CFAP299: variants seen among roughly 807,000 people sequenced by gnomAD.
CFAP299 encodes cilia and flagella associated protein 299.
In CFAP299, 21 loss-of-function variants were observed where a neutral mutation model predicts 27.0. The observed-to-expected ratio is 0.78, with a 90% CI of 0.55 to 1.12. The LOEUF (loss-of-function observed/expected upper bound fraction) is 1.12, where lower values mean the gene tolerates loss of function less well. Among genes scored for constraint, CFAP299 ranks in the 50% most tolerant of loss-of-function variants. The pLI, the probability that CFAP299 is intolerant of heterozygous loss-of-function variation, is 0.00. For synonymous variants in CFAP299, 104 were observed against 98.1 expected (o/e 1.06, Z -0.36); for missense variants, 310 against 276.6 (o/e 1.12, Z -0.86).
At chr4:80,625,951 A>G (rs953175028) in intron 3 of CFAP299, among the ~76,000 whole-genome samples, 2 of 151,954 alleles carry the variant, frequency 1.3e-5, no homozygotes, top group Admixed American at 1.3e-4. Context: ...GGAGTTAAAC[A>G]CCCCACTTCT....
At chr4:80,455,398 A>T (rs1217517256) in intron 2 of CFAP299, among the ~76,000 whole-genome samples, 1 of 152,216 alleles carries the variant, frequency 6.6e-6, no homozygotes, top group East Asian at 1.9e-4. Context: ...ACGGGCACAA[A>T]TGAAACAGAT....
intron 3 of CFAP299, among the ~76,000 whole-genome samples, chr4:80,654,273 A>T (rs773177070): frequency 6.6e-6 from 1 of 152,154 alleles, no homozygotes; most frequent in Non-Finnish European, 1.5e-5. Context: ...TGCCCTCAGG[A>T]TAAAGGCACC....
chr4:80,359,951 G>C (rs902994359), intron 1 of CFAP299, among the ~76,000 whole-genome samples: 1 of 152,144 alleles, frequency 6.6e-6, no homozygotes, highest in African/African-American at 2.4e-5. Flanking sequence ...ACCCTTGTGG[G>C]CTTATGTACT....
At position 80,664,682 on chromosome 4, in the gene CFAP299, C is replaced by T. The variant is rs753550021; in HGVS notation, c.333+81499C>T. On this transcript the variant is annotated intron_variant, in intron 3 of 5. Transcript: ENST00000358105. Reference sequence around the variant, plus strand: ...TTGCTGGGCTCCCTGGGGGTGGGATCGGCTGAACTAGACCACTTGGTTACC... The same window carrying T: ...TTGCTGGGCTCCCTGGGGGTGGGATTGGCTGAACTAGACCACTTGGTTACC... Among the ~76,000 whole-genome samples the T allele has an allele frequency of 9.2e-5, 14 of 152,156 alleles. No homozygotes were observed. In the East Asian group the frequency reaches 9.7e-4, roughly 11 times the overall value.
rs1004984721 is a variant in CFAP299 at position 80,783,712 on chromosome 4, A to G, written c.334-86281A>G. On this transcript the variant is annotated intron_variant, in intron 3 of 5. Coordinates refer to ENST00000358105, the MANE Select transcript of CFAP299 (RefSeq NM_152770.3). The stretch of plus-strand genomic sequence containing the variant: ...ACAACATCACTGGGTTCTAAAATAG[A>G]ACCCATTTTTTGTTTTTAGGAATCT... 2.0e-5 allele frequency among the ~76,000 whole-genome samples: 3 copies of G among 152,172 alleles called. No homozygotes were observed. In the East Asian group the frequency reaches 5.8e-4, roughly 29 times the overall value.
chr4:80,843,597 T>C (rs1406649813), intron 3 of CFAP299, among the ~76,000 whole-genome samples: 1 of 152,114 alleles, frequency 6.6e-6, no homozygotes, highest in East Asian at 1.9e-4. Context: ...ATATACCCAG[T>C]AACGGGGTGG....
At chr4:80,504,502 TATA>T (rs1560598412) in intron 2 of CFAP299, among the ~76,000 whole-genome samples, 142 of 130,946 alleles carry the variant, frequency 1.1e-3, no homozygotes, top group Non-Finnish European at 1.7e-3. Context: ...TATATATATA[TATA>T]TTTTCCTTTG....
chr4:80,449,105 C>T (rs6534957), intron 2 of CFAP299, among the ~76,000 whole-genome samples: 97,289 of 151,994 alleles, frequency 0.64, 33,833 homozygotes, highest in Non-Finnish European at 0.76. Flanking sequence ...TCCCAACAAG[C>T]CAAATGCATG....
At position 80,474,422 on chromosome 4, in the gene CFAP299, A is replaced by C. The variant is rs565302322; in HGVS notation, c.243-108671A>C. ...ACTGCCATGTTCATCTATCAAAAAC[A>C]AACCATCTGAGATAAATTCATTTTT... On this transcript the variant is annotated intron_variant, in intron 2 of 5. Coordinates refer to ENST00000358105, the MANE Select transcript of CFAP299 (RefSeq NM_152770.3). 2.6e-5 allele frequency among the ~76,000 whole-genome samples: 4 copies of C among 152,350 alleles called. No individual in the cohort carries two copies. In the East Asian group the frequency reaches 7.7e-4, roughly 29 times the overall value.
intron 4 of CFAP299, among the ~76,000 whole-genome samples, chr4:80,928,090 C>A (rs1180231346): frequency 1.3e-5 from 2 of 152,144 alleles, no homozygotes; most frequent in Non-Finnish European, 2.9e-5. Flanking sequence ...GATACAGCAA[C>A]AGAGAAGGAA....
At chr4:80,687,931 C>G (rs144869224) in intron 3 of CFAP299, among the ~76,000 whole-genome samples, 4 of 152,194 alleles carry the variant, frequency 2.6e-5, no homozygotes, top group African/African-American at 7.2e-5. Flanking sequence ...GGGTGACAGA[C>G]GGCACCTGGA....
intron 3 of CFAP299, among the ~76,000 whole-genome samples, chr4:80,837,686 T>A (rs549808493): frequency 6.6e-6 from 1 of 152,338 alleles, no homozygotes; most frequent in East Asian, 1.9e-4. Context: ...AGTCTATCAT[T>A]GATGCACATT....
intron 3 of CFAP299, among the ~76,000 whole-genome samples, chr4:80,753,457 ATTGGTTTTTTGT>A (rs1407758906): frequency 2.6e-5 from 4 of 151,804 alleles, no homozygotes. Flanking sequence ...TGTATATGAT[ATTGGTTTTTTGT>A]TTGTTTTGTT....
At chr4:80,622,653 A>G (rs1738668861) in intron 3 of CFAP299, among the ~76,000 whole-genome samples, 1 of 152,206 alleles carries the variant, frequency 6.6e-6, no homozygotes, top group African/African-American at 2.4e-5. Flanking sequence ...TACCATGTCT[A>G]CATCAAATAA....
chr4:80,561,264 G>A (rs1458396992), intron 2 of CFAP299, among the ~76,000 whole-genome samples: 3 of 152,118 alleles, frequency 2.0e-5, no homozygotes, highest in Non-Finnish European at 2.9e-5. Flanking sequence ...CTGGACTTGG[G>A]GTGCCCCCTA....
chr4:80,388,172 G>T, intron 2 of CFAP299: 1 of 682,686 alleles, frequency 1.5e-6, no homozygotes. Flanking sequence ...GGGCAGTGGT[G>T]GAGGAGGGGG....
intron 3 of CFAP299, among the ~76,000 whole-genome samples, chr4:80,665,609 CTT>C (rs1420764643): frequency 6.6e-6 from 1 of 152,078 alleles, no homozygotes; most frequent in Non-Finnish European, 1.5e-5. Flanking sequence ...TTTAGTCTAA[CTT>C]GAGATATTTT....
chr4:80,564,090 T>C (rs1177286160), intron 2 of CFAP299, among the ~76,000 whole-genome samples: 1 of 152,018 alleles, frequency 6.6e-6, no homozygotes. Flanking sequence ...CACTGTTAAA[T>C]TCTCACAAAC....
chr4:80,692,054 C>A (rs1720744316), intron 3 of CFAP299, among the ~76,000 whole-genome samples: 1 of 152,090 alleles, frequency 6.6e-6, no homozygotes, highest in Admixed American at 6.5e-5. Context: ...AGGATACAAA[C>A]AAATGGAAGA....
Sources: gnomAD v4.1 joint callset for allele counts (sites outside exome capture counted in the v4.1 genomes callset) on GRCh38, gnomAD v4.1.1 for gene constraint, MANE v1.5 for transcripts, NCBI Gene and HGNC (gene_info 2026-07-23, HGNC 2026-07-21) for gene names.